MLXIPL: variants seen among roughly 807,000 people sequenced by gnomAD.
The protein encoded by MLXIPL is carbohydrate-responsive element-binding protein.
MLXIPL carries 49 observed loss-of-function variants against 81.5 expected under a neutral mutation model. The observed-to-expected ratio is 0.60, with a 90% CI of 0.48 to 0.76. MLXIPL has a LOEUF of 0.76. MLXIPL is among the 30% of genes least tolerant of loss of function. MLXIPL has a pLI of 0.00. For missense variants in MLXIPL, 1,053 were observed against 1,167.0 expected (o/e 0.90, Z 1.42); for synonymous variants, 466 against 485.5 (o/e 0.96, Z 0.53).
the MLXIPL span, among the ~76,000 whole-genome samples, chr7:73,635,872 T>C: frequency 1.3e-5 from 2 of 152,128 alleles, no homozygotes; most frequent in Middle Eastern, 3.2e-3. Context: ...CCAGTACACA[T>C]ATTAACCGCC....
upstream of MLXIPL, among the ~76,000 whole-genome samples, chr7:73,625,411 C>T (rs72649061): frequency 1.5e-3 from 222 of 152,280 alleles, 1 homozygote; most frequent in Middle Eastern, 0.014. Context: ...AAGGTAATGC[C>T]CCTGAAGGGC....
chr7:73,603,300 C>T (rs1347548277), intron 7 of MLXIPL, among the ~76,000 whole-genome samples: 1 of 152,182 alleles, frequency 6.6e-6, no homozygotes, highest in East Asian at 1.9e-4. Context: ...TTCCCCCATG[C>T]GCCAGCAGCC....
rs1554593587 is a variant in MLXIPL, at chr7:73,595,960, C to T, written c.2068G>A (p.Ala690Thr). 2 of 1,612,876 alleles carry T rather than the reference C, an allele frequency of 1.2e-6. No homozygotes were observed. Among genetic ancestry groups the T allele is most frequent in the Admixed American group, 3.3e-5 (2 of 60,008 alleles). The change falls in exon 14 of 17, where the codon GCT becomes ACT. Residue 690 changes from alanine (A) to threonine (T), a missense_variant. Transcript: ENST00000313375. ...TCAGCTGTCTTCTGCAGCGTGGTAG[C>T]TTTGCTCACCTGCAGACGCCACCAG... ...SAQPSLKVSK[A>T]TTLQKTAEYI...
Position 73,597,441 on chromosome 7 carries a change from C to G in MLXIPL, c.1344G>C (p.Pro448=). Residue 448 remains proline (P), a synonymous_variant, in exon 9 of 17, where the codon CCG becomes CCC. Coordinates refer to ENST00000313375, the MANE Select transcript of MLXIPL (RefSeq NM_032951.3). ...GTGGGAAGGCTGCAGGAGCAGGCAG[C>G]GGAGACACTCCTGGGGCAGGAGGGA... ...PTVPPAPGVS[P]LPAPAAFPPT... The G allele has an allele frequency of 7.0e-7, 1 of 1,421,516 alleles. No homozygotes were observed. The highest frequency in any genetic ancestry group is 1.5e-5 in the African/African-American group (1 of 67,440). 88.1% of individuals were successfully genotyped at this position (1,421,516 alleles called of 1,614,324 possible).
At position 73,593,599 on chromosome 7, in the gene MLXIPL, G is replaced by C. The variant is rs1188640829; in HGVS notation, c.*266C>G. 1.5e-4 allele frequency: 66 copies of C among 444,342 alleles called. No individual in the cohort carries two copies. Among genetic ancestry groups the C allele is most frequent in the Non-Finnish European group, 2.6e-4 (62 of 237,384 alleles). 27.5% of individuals were successfully genotyped at this position (444,342 alleles called of 1,614,324 possible). A position where few individuals can be genotyped will look rare whatever the true frequency, so the allele number is the denominator to read the frequency against. On this transcript the variant is annotated 3_prime_UTR_variant, in exon 17 of 17. Transcript: ENST00000313375. ...GAACCTTCCCCATCCCCATTTTGCA[G>C]ATTGAAACACAGCGGTCCAAAGACA... is the stretch of plus-strand genomic sequence containing the variant.
rs1169525398 is a variant in MLXIPL, at chr7:73,623,387, C to T, written c.293+813G>A. 6.6e-6 allele frequency among the ~76,000 whole-genome samples: 1 copy of T among 152,184 alleles called. No individual in the cohort carries two copies. Among genetic ancestry groups the T allele is most frequent in the African/African-American group, 2.4e-5 (1 of 41,454 alleles). On this transcript the variant is annotated intron_variant, in intron 1 of 16. Transcript: ENST00000313375. The surrounding 1 kb of genome is among the most constrained non-coding windows in gnomAD (Gnocchi z 5.7). Reference sequence around the variant, plus strand: ...GGGAACTTTGCTCCAGGGCACTGGGCCAGGCCTCGGGTTCGCGCCCTCCTC... The same window carrying T: ...GGGAACTTTGCTCCAGGGCACTGGGTCAGGCCTCGGGTTCGCGCCCTCCTC...
rs112496624 is a variant in MLXIPL at position 73,606,403 on chromosome 7, T to TG, written c.619-293_619-292insC. On this transcript the variant is annotated intron_variant, in intron 5 of 16. Transcript: ENST00000313375. Reference sequence around the variant, plus strand: ...GTTCTTTGGTCCCTCTGGTTTTTTTTTTTGTTTGTTTTCTTTTTCTTTTTC... The same window carrying TG: ...GTTCTTTGGTCCCTCTGGTTTTTTTTGTTTGTTTGTTTTCTTTTTCTTTTTC... The TG allele has an allele frequency of 9.2e-3, 4,659 of 503,750 alleles. 225 individuals are homozygous for TG. Among genetic ancestry groups the TG allele is most frequent in the African/African-American group, 0.083 (4,236 of 50,800 alleles). The allele number at this position is 503,750 out of a possible 1,614,324, so 31.2% of individuals were successfully genotyped here.
chr7:73,638,227 A>T, the MLXIPL span, among the ~76,000 whole-genome samples: 1 of 152,186 alleles, frequency 6.6e-6, no homozygotes, highest in Non-Finnish European at 1.5e-5. Flanking sequence ...TGATCACTCC[A>T]TGCTACTGAT....
chr7:73,636,131 C>T, the MLXIPL span, among the ~76,000 whole-genome samples: 12 of 152,224 alleles, frequency 7.9e-5, no homozygotes, highest in Non-Finnish European at 1.5e-4. Flanking sequence ...AAGTGGAGGC[C>T]GGGCACCGTG....
At chr7:73,624,152 C>CA in intron 1 of MLXIPL, 48 bp downstream of exon 1, 6 of 1,468,024 alleles carry the variant, frequency 4.1e-6, no homozygotes, top group African/African-American at 1.4e-5. Flanking sequence ...ACCCCCCCCC[C>CA]ATCCCCACCT....
chr7:73,635,255 T>C, the MLXIPL span, among the ~76,000 whole-genome samples: 1 of 151,182 alleles, frequency 6.6e-6, no homozygotes, highest in Non-Finnish European at 1.5e-5. Flanking sequence ...CTGAAAATCA[T>C]TGATCTTTGT....
chr7:73,622,981 G>A (rs1371935092), intron 1 of MLXIPL, among the ~76,000 whole-genome samples: 1 of 152,086 alleles, frequency 6.6e-6, no homozygotes, highest in African/African-American at 2.4e-5. Flanking sequence ...CCAGGCAGTC[G>A]CGTGACATTT....
intron 2 of MLXIPL, among the ~76,000 whole-genome samples, chr7:73,611,846 C>T (rs1029901301): frequency 2.6e-5 from 4 of 151,732 alleles, no homozygotes; most frequent in African/African-American, 4.8e-5. Flanking sequence ...ATAAAGCATT[C>T]TCCAAAATGG....
In MLXIPL at chr7:73,623,216, C is replaced by G. The variant is rs1159370922; in HGVS notation, c.293+984G>C. Among the ~76,000 whole-genome samples, 2 of 152,202 alleles carry G rather than the reference C, an allele frequency of 1.3e-5. No individual in the cohort carries two copies. The highest frequency in any genetic ancestry group is 2.9e-5 in the Non-Finnish European group (2 of 68,032). On this transcript the variant is annotated intron_variant, in intron 1 of 16. Transcript: ENST00000313375. This position sits in a 1 kb window ranked among gnomAD's most constrained non-coding sequence, Gnocchi z 5.7. Reference sequence around the variant, plus strand: ...TGCTCCCCCGCAGGGCGGCAGGTGCCGATCTGTAGCCAGCGGTTCTCAGAA... The same window carrying G: ...TGCTCCCCCGCAGGGCGGCAGGTGCGGATCTGTAGCCAGCGGTTCTCAGAA...
chr7:73,631,558 C>CTTTTTTT, the MLXIPL span, among the ~76,000 whole-genome samples: 79 of 69,668 alleles, frequency 1.1e-3, 14 homozygotes, highest in East Asian at 3.3e-3. Context: ...GATGTTGCTA[C>CTTTTTTT]TTTTTTTTTT....
chr7:73,620,417 AAAC>A (rs1198121862), intron 1 of MLXIPL, among the ~76,000 whole-genome samples: 13 of 151,320 alleles, frequency 8.6e-5, no homozygotes, highest in African/African-American at 2.2e-4. Context: ...AACAAACAAA[AAAC>A]AACAACAACA....
chr7:73,615,032 G>C (rs148881883), intron 2 of MLXIPL, among the ~76,000 whole-genome samples: 4 of 152,084 alleles, frequency 2.6e-5, no homozygotes, highest in Non-Finnish European at 5.9e-5. Context: ...GGATGGTCTC[G>C]ATCTCCTGAC....
chr7:73,615,878 A>C (rs1795976945), intron 2 of MLXIPL, among the ~76,000 whole-genome samples, 193 bp downstream of exon 2: 1 of 144,740 alleles, frequency 6.9e-6, no homozygotes, highest in Non-Finnish European at 1.5e-5. Flanking sequence ...GCACCACTGC[A>C]CTCCAGCTTG....
chr7:73,628,287 TTA>T (rs1554604098), upstream of MLXIPL, among the ~76,000 whole-genome samples: 1 of 152,104 alleles, frequency 6.6e-6, no homozygotes, highest in Non-Finnish European at 1.5e-5. Context: ...GGTGGGAAGA[TTA>T]TGAGTGAATT....
Sources: allele counts gnomAD v4.1 joint callset (sites outside exome capture counted in the v4.1 genomes callset), GRCh38; gene constraint gnomAD v4.1.1; non-coding constraint Gnocchi (gnomAD v3.1); transcripts MANE v1.5; gene names NCBI Gene and HGNC (gene_info 2026-07-23, HGNC 2026-07-21).